Variants in RAP2B observed in about 807,000 individuals in gnomAD.
RAP2B encodes the protein RAP2B, member of RAS oncogene family.
A neutral mutation model predicts 14.4 loss-of-function variants in RAP2B; 6 were observed. The ratio of observed to expected loss-of-function variants is 0.42; its 90% CI spans 0.23 to 0.82. RAP2B has a LOEUF of 0.82. Among genes scored for constraint, RAP2B ranks in the 40% least tolerant of loss-of-function variants. RAP2B has a pLI of 0.30. For missense variants in RAP2B, 137 were observed against 248.2 expected (o/e 0.55, Z 3.01); for synonymous variants, 118 against 113.2 (o/e 1.04, Z -0.27).
chr3:153,162,588 G>T lies in RAP2B; in HGVS notation c.-106G>T, dbSNP rs1713437800. ...GGTTGCTCTCTCCTGGGTTTTTCCT[G>T]CGTAGCTGAGGAAGGGGAAGAGAAG... is the stretch of plus-strand genomic sequence containing the variant. On this transcript the variant is annotated 5_prime_UTR_variant, in exon 1 of 1. Coordinates refer to ENST00000323534, the MANE Select transcript of RAP2B (RefSeq NM_002886.4). The surrounding 1 kb of genome is among the most constrained non-coding windows in gnomAD (Gnocchi z 4.9). The T allele has an allele frequency of 7.6e-7, 1 of 1,315,184 alleles. No homozygotes were observed. Among genetic ancestry groups the T allele is most frequent in the Admixed American group, 2.8e-5 (1 of 35,792 alleles). 81.5% of individuals were successfully genotyped at this position (1,315,184 alleles called of 1,614,324 possible).
At position 153,165,659 on chromosome 3, in the gene RAP2B, T is replaced by C. The variant is rs1233615045; in HGVS notation, c.*2414T>C. 6.0e-6 allele frequency: 1 copy of C among 166,872 alleles called. No homozygotes were observed. Among genetic ancestry groups the C allele is most frequent in the Non-Finnish European group, 1.5e-5 (1 of 68,084 alleles). 10.3% of individuals were successfully genotyped at this position (166,872 alleles called of 1,614,324 possible). A position where few individuals can be genotyped will look rare whatever the true frequency, so the allele number is the denominator to read the frequency against. On this transcript the variant is annotated 3_prime_UTR_variant, in exon 1 of 1. Coordinates refer to ENST00000323534, the MANE Select transcript of RAP2B (RefSeq NM_002886.4). ...CAGTACTCCAGCAATGGAGGAAGAA[T>C]AGAGAATTTTGCCTGGCAATGGTCC...
chr3:153,163,835 G>C lies in RAP2B; in HGVS notation c.*590G>C, dbSNP rs1576681373. ...TTAAGATCGGGTTCCTTTTCTGCCA[G>C]CTTGGAAGGGCAACCCCATGACTGA... On this transcript the variant is annotated 3_prime_UTR_variant, in exon 1 of 1. Coordinates refer to ENST00000323534, the MANE Select transcript of RAP2B (RefSeq NM_002886.4). The C allele has an allele frequency of 6.0e-6, 1 of 167,004 alleles. No homozygotes were observed. The highest frequency in any genetic ancestry group is 1.9e-4 in the East Asian group (1 of 5,160). 10.3% of individuals were successfully genotyped at this position (167,004 alleles called of 1,614,324 possible).
At position 153,167,897 on chromosome 3, in the gene RAP2B, A is replaced by C. The variant is rs542314064; in HGVS notation, c.*4652A>C. The C allele has an allele frequency of 6.2e-4, 104 of 167,122 alleles. No homozygotes were observed. The highest frequency in any genetic ancestry group is 2.4e-3 in the African/African-American group (101 of 41,594). The allele number at this position is 167,122 out of a possible 1,614,324, so 10.4% of individuals were successfully genotyped here. On this transcript the variant is annotated 3_prime_UTR_variant, in exon 1 of 1. Transcript: ENST00000323534. ...AAGTATGTCTTCAATAAAAGGGGAC[A>C]CTTTATTTGTCTTCTCTTCAACATT...
At position 153,166,554 on chromosome 3, in the gene RAP2B, T is replaced by C. The variant is rs1424978772; in HGVS notation, c.*3309T>C. ...TTTTAAACAGCTTTTCCTTTTGGTC[T>C]CTGACAGTCAATCCAGGTTTTATGT... On this transcript the variant is annotated 3_prime_UTR_variant, in exon 1 of 1. Transcript: ENST00000323534. The C allele has an allele frequency of 6.0e-6, 1 of 167,148 alleles. No homozygotes were observed. The highest frequency in any genetic ancestry group is 1.5e-5 in the Non-Finnish European group (1 of 68,120). The allele number at this position is 167,148 out of a possible 1,614,324, so 10.4% of individuals were successfully genotyped here.
At position 153,169,900 on chromosome 3, in the gene RAP2B, C is replaced by T. The variant is rs191399558; in HGVS notation, c.*6655C>T. ...AGCCACTGCATCCAGCCAGGAGTGA[C>T]AATTTCTAAAGCCTTAATTAGTGAA... On this transcript the variant is annotated 3_prime_UTR_variant, in exon 1 of 1. Transcript: ENST00000323534. 1 of 152,320 alleles carries T rather than the reference C, an allele frequency of 6.6e-6. No homozygotes were observed. The highest frequency in any genetic ancestry group is 1.9e-4 in the East Asian group (1 of 5,182). 9.4% of individuals were successfully genotyped at this position (152,320 alleles called of 1,614,324 possible).
rs1263171343 is a variant in RAP2B, at chr3:153,164,730, A to G, written c.*1485A>G. ...ATGTCATTTTTAAAGAAACAAACCC[A>G]AAACTATTGTTTGTGTTTCTGTGTT... is the stretch of plus-strand genomic sequence containing the variant. On this transcript the variant is annotated 3_prime_UTR_variant, in exon 1 of 1. Coordinates refer to ENST00000323534, the MANE Select transcript of RAP2B (RefSeq NM_002886.4). The G allele has an allele frequency of 6.0e-6, 1 of 167,078 alleles. No homozygotes were observed. 10.3% of individuals were successfully genotyped at this position (167,078 alleles called of 1,614,324 possible). A position where few individuals can be genotyped will look rare whatever the true frequency, so the allele number is the denominator to read the frequency against.
rs1713493768 is a variant in RAP2B, at chr3:153,163,870, T to G, written c.*625T>G. ...GCAACCCCATGACTGATTGCGATTC[T>G]GAGGATGTCTATGCAAAGTTGGATT... On this transcript the variant is annotated 3_prime_UTR_variant, in exon 1 of 1. Transcript: ENST00000323534. 4 of 167,080 alleles carry G rather than the reference T, an allele frequency of 2.4e-5. No individual in the cohort carries two copies. The South Asian group carries it at 8.3e-4, about 35-fold the overall frequency. The allele number at this position is 167,080 out of a possible 1,614,324, so 10.3% of individuals were successfully genotyped here.
Position 153,168,818 on chromosome 3 carries a change from G to T in RAP2B, c.*5573G>T, listed in dbSNP as rs1713648349. The T allele has an allele frequency of 6.6e-6, 1 of 152,128 alleles. No individual in the cohort carries two copies. Among genetic ancestry groups the T allele is most frequent in the African/African-American group, 2.4e-5 (1 of 41,422 alleles). 9.4% of individuals were successfully genotyped at this position (152,128 alleles called of 1,614,324 possible). A position where few individuals can be genotyped will look rare whatever the true frequency, so the allele number is the denominator to read the frequency against. On this transcript the variant is annotated 3_prime_UTR_variant, in exon 1 of 1. Coordinates refer to ENST00000323534, the MANE Select transcript of RAP2B (RefSeq NM_002886.4). ...ACAAAAGTTACAGACATTTATGGTT[G>T]ATAGTTTGAGATCTATGACAGTTTT...
Position 153,162,651 on chromosome 3 carries a change from C to G in RAP2B, c.-43C>G, listed in dbSNP as rs1423307917. On this transcript the variant is annotated 5_prime_UTR_variant, in exon 1 of 1. Transcript: ENST00000323534. The surrounding 1 kb of genome is among the most constrained non-coding windows in gnomAD (Gnocchi z 4.9). ...GCCCAGCCTTCCCCGGCGCGCAGCC[C>G]CGACGGGGCCGCGGCAGGCGCGGCG... 2 of 1,553,504 alleles carry G rather than the reference C, an allele frequency of 1.3e-6. No individual in the cohort carries two copies. Among genetic ancestry groups the G allele is most frequent in the Non-Finnish European group, 8.7e-7 (1 of 1,152,462 alleles).
chr3:153,162,637 C>T lies in RAP2B; in HGVS notation c.-57C>T, dbSNP rs1713441733. On this transcript the variant is annotated 5_prime_UTR_variant, in exon 1 of 1. Coordinates refer to ENST00000323534, the MANE Select transcript of RAP2B (RefSeq NM_002886.4). This position sits in a 1 kb window ranked among gnomAD's most constrained non-coding sequence, Gnocchi z 4.9. ...AGTCCAGCCGCCAAGCCCAGCCTTC[C>T]CCGGCGCGCAGCCCCGACGGGGCCG... is the stretch of plus-strand genomic sequence containing the variant. 10 of 1,524,784 alleles carry T rather than the reference C, an allele frequency of 6.6e-6. No individual in the cohort carries two copies. In the South Asian group the frequency reaches 1.1e-4, roughly 17 times the overall value. 94.5% of individuals were successfully genotyped at this position (1,524,784 alleles called of 1,614,324 possible).
In RAP2B at chr3:153,166,763, A is replaced by G. The variant is rs992555993; in HGVS notation, c.*3518A>G. On this transcript the variant is annotated 3_prime_UTR_variant, in exon 1 of 1. Coordinates refer to ENST00000323534, the MANE Select transcript of RAP2B (RefSeq NM_002886.4). ...GGGACCAGATGTATTTGGGGATAGA[A>G]TTCTTTAAATGTATGGGACTTCATG... 6.0e-6 allele frequency: 1 copy of G among 166,678 alleles called. No individual in the cohort carries two copies. Among genetic ancestry groups the G allele is most frequent in the Non-Finnish European group, 1.5e-5 (1 of 68,098 alleles). The allele number at this position is 166,678 out of a possible 1,614,324, so 10.3% of individuals were successfully genotyped here. A position where few individuals can be genotyped will look rare whatever the true frequency, so the allele number is the denominator to read the frequency against.
Position 153,167,868 on chromosome 3 carries a change from T to G in RAP2B, c.*4623T>G, listed in dbSNP as rs573541306. ...TCCCCAACCTAGGGGAAAAAAAATT[T>G]GAAAAGTATGTCTTCAATAAAAGGG... is the stretch of plus-strand genomic sequence containing the variant. On this transcript the variant is annotated 3_prime_UTR_variant, in exon 1 of 1. Transcript: ENST00000323534. 1 of 167,066 alleles carries G rather than the reference T, an allele frequency of 6.0e-6. No individual in the cohort carries two copies. Among genetic ancestry groups the G allele is most frequent in the South Asian group, 2.1e-4 (1 of 4,824 alleles). 10.3% of individuals were successfully genotyped at this position (167,066 alleles called of 1,614,324 possible).
Position 153,163,569 on chromosome 3 carries a change from A to G in RAP2B, c.*324A>G. 1 of 241,208 alleles carries G rather than the reference A, an allele frequency of 4.1e-6. No homozygotes were observed. Among genetic ancestry groups the G allele is most frequent in the South Asian group, 1.7e-4 (1 of 6,038 alleles). 14.9% of individuals were successfully genotyped at this position (241,208 alleles called of 1,614,324 possible). The stretch of plus-strand genomic sequence containing the variant: ...GGCAGCTTGACACCCACCAAGCAAA[A>G]GTTTCAGCCTGGAAAAAAAATGGGG... On this transcript the variant is annotated 3_prime_UTR_variant, in exon 1 of 1. Transcript: ENST00000323534.
In RAP2B at chr3:153,169,420, T is replaced by G. The variant is rs1170059686; in HGVS notation, c.*6175T>G. On this transcript the variant is annotated 3_prime_UTR_variant, in exon 1 of 1. Coordinates refer to ENST00000323534, the MANE Select transcript of RAP2B (RefSeq NM_002886.4). Reference sequence around the variant, plus strand: ...ATCTGCCCACCTTGGCTTCCCAAAGTGCTGGGATTACAGGTGTGAGCCACC... The same window carrying G: ...ATCTGCCCACCTTGGCTTCCCAAAGGGCTGGGATTACAGGTGTGAGCCACC... 1 of 152,078 alleles carries G rather than the reference T, an allele frequency of 6.6e-6. No individual in the cohort carries two copies. Among genetic ancestry groups the G allele is most frequent in the East Asian group, 1.9e-4 (1 of 5,172 alleles). The allele number at this position is 152,078 out of a possible 1,614,324, so 9.4% of individuals were successfully genotyped here. A position where few individuals can be genotyped will look rare whatever the true frequency, so the allele number is the denominator to read the frequency against.
In RAP2B at chr3:153,163,712, A is replaced by G. The variant is rs1713488834; in HGVS notation, c.*467A>G. 7.5e-6 allele frequency: 1 copy of G among 132,902 alleles called. No individual in the cohort carries two copies. The highest frequency in any genetic ancestry group is 3.2e-5 in the African/African-American group (1 of 30,774). 8.2% of individuals were successfully genotyped at this position (132,902 alleles called of 1,614,324 possible). Reference sequence around the variant, plus strand: ...GTCAACAGCCGTTTTTCTAGTTCCAAGTTTTAAATACATGGAAGGAAGTCC... The same window carrying G: ...GTCAACAGCCGTTTTTCTAGTTCCAGGTTTTAAATACATGGAAGGAAGTCC... On this transcript the variant is annotated 3_prime_UTR_variant, in exon 1 of 1. Coordinates refer to ENST00000323534, the MANE Select transcript of RAP2B (RefSeq NM_002886.4).
rs1239572862 is a variant in RAP2B at position 153,164,544 on chromosome 3, C to T, written c.*1299C>T. The T allele has an allele frequency of 6.0e-6, 1 of 166,634 alleles. No homozygotes were observed. Among genetic ancestry groups the T allele is most frequent in the Non-Finnish European group, 1.5e-5 (1 of 68,030 alleles). 10.3% of individuals were successfully genotyped at this position (166,634 alleles called of 1,614,324 possible). On this transcript the variant is annotated 3_prime_UTR_variant, in exon 1 of 1. Transcript: ENST00000323534. The stretch of plus-strand genomic sequence containing the variant: ...TTAAATTTTCAGGTATTTAGCTCCC[C>T]TTTCATATTATTTTTAAATTTTTTA...
rs1713583759 is a variant in RAP2B at position 153,166,558 on chromosome 3, A to C, written c.*3313A>C. ...AAACAGCTTTTCCTTTTGGTCTCTG[A>C]CAGTCAATCCAGGTTTTATGTTATT... On this transcript the variant is annotated 3_prime_UTR_variant, in exon 1 of 1. Transcript: ENST00000323534. The C allele has an allele frequency of 6.0e-6, 1 of 167,048 alleles. No homozygotes were observed. The highest frequency in any genetic ancestry group is 2.4e-5 in the African/African-American group (1 of 41,442). The allele number at this position is 167,048 out of a possible 1,614,324, so 10.3% of individuals were successfully genotyped here.
rs1301942054 is a variant in RAP2B, at chr3:153,162,516, G to A, written c.-178G>A. 2.8e-5 allele frequency: 19 copies of A among 687,134 alleles called. 1 individual carries two copies. In the Middle Eastern group the frequency reaches 1.3e-3, roughly 46 times the overall value. 42.6% of individuals were successfully genotyped at this position (687,134 alleles called of 1,614,324 possible). A position where few individuals can be genotyped will look rare whatever the true frequency, so the allele number is the denominator to read the frequency against. On this transcript the variant is annotated 5_prime_UTR_variant, in exon 1 of 1. Transcript: ENST00000323534. This position sits in a 1 kb window ranked among gnomAD's most constrained non-coding sequence, Gnocchi z 4.9. ...GATACGCTGCCGCCGCCGCCGGCCG[G>A]CCCGGCGCCCGGCCTCCGTTCGGTG...
chr3:153,162,587 T>C lies in RAP2B; in HGVS notation c.-107T>C, dbSNP rs1489199432. ...GGGTTGCTCTCTCCTGGGTTTTTCC[T>C]GCGTAGCTGAGGAAGGGGAAGAGAA... On this transcript the variant is annotated 5_prime_UTR_variant, in exon 1 of 1. Coordinates refer to ENST00000323534, the MANE Select transcript of RAP2B (RefSeq NM_002886.4). The surrounding 1 kb of genome is among the most constrained non-coding windows in gnomAD (Gnocchi z 4.9). 3 of 1,320,142 alleles carry C rather than the reference T, an allele frequency of 2.3e-6. No homozygotes were observed. The African/African-American group carries it at 4.5e-5, about 20-fold the overall frequency. The allele number at this position is 1,320,142 out of a possible 1,614,324, so 81.8% of individuals were successfully genotyped here.
Sources: gnomAD v4.1 joint callset for allele counts on GRCh38, gnomAD v4.1.1 for gene constraint, Gnocchi (gnomAD v3.1) non-coding constraint, MANE v1.5 for transcripts, NCBI Gene and HGNC (gene_info 2026-07-23, HGNC 2026-07-21) for gene names.